Variants in TTLL2 observed in about 807,000 individuals in gnomAD.
TTLL2 encodes the protein tubulin tyrosine ligase like 2, also known as probable tubulin polyglutamylase TTLL2.
In TTLL2, 10 loss-of-function variants were observed where a neutral mutation model predicts 7.5. That is an observed-to-expected ratio of 1.33 (90% CI 0.82 to 2.25). The LOEUF (loss-of-function observed/expected upper bound fraction) is 2.25. Ranked by LOEUF, TTLL2 falls within the 30% of genes most tolerant of loss-of-function variation. The probability of loss-of-function intolerance (pLI) is 0.00; values close to 1 mark genes in which losing one functional copy is unlikely to be tolerated. For missense variants in TTLL2, 733 were observed against 735.7 expected, an observed-to-expected ratio of 1.00 and a Z score of 0.04; for synonymous variants, 284 against 280.3, an observed-to-expected ratio of 1.01 and a Z score of -0.13.
intron 1 of TTLL2, among the ~76,000 whole-genome samples, chr6:167,330,229 T>C (rs1366527118): frequency 2.0e-5 from 3 of 152,198 alleles, no homozygotes; most frequent in Non-Finnish European, 4.4e-5. Context: ...TCTGTATTAC[T>C]TGTACTCAGT....
intron 1 of TTLL2, among the ~76,000 whole-genome samples, chr6:167,338,226 CACACA>C (rs1357866890): frequency 6.6e-6 from 1 of 151,912 alleles, no homozygotes; most frequent in African/African-American, 2.4e-5. Flanking sequence ...ACACAACATA[CACACA>C]ACACAAGCAA....
Position 167,338,693 on chromosome 6 carries a change from G to C in TTLL2, c.94G>C (p.Glu32Gln), listed in dbSNP as rs766792551. 1.2e-5 allele frequency: 20 copies of C among 1,614,026 alleles called. No individual in the cohort carries two copies. The South Asian group carries it at 2.0e-4, about 16-fold the overall frequency. Reference sequence around the variant, plus strand: ...AGCCTTTACCCTTAACATTCCATCCGAGGCAAACCACACTGAGCAGCCGCC... The same window carrying C: ...AGCCTTTACCCTTAACATTCCATCCCAGGCAAACCACACTGAGCAGCCGCC... ...TPAFTLNIPS[E>Q]ANHTEQPPAG... Residue 32 changes from glutamate to glutamine, a missense_variant, in exon 2 of 3, where the codon GAG becomes CAG. Physicochemically the swap from Glu to Gln is conservative, Grantham distance 29. Transcript: ENST00000239587.
chr6:167,335,763 T>C (rs1228962110), intron 1 of TTLL2, among the ~76,000 whole-genome samples: 4 of 145,134 alleles, frequency 2.8e-5, no homozygotes, highest in African/African-American at 7.8e-5. Flanking sequence ...TAGGTGGGAA[T>C]TGAACATTGA....
At position 167,338,670 on chromosome 6, in the gene TTLL2, C is replaced by A; in HGVS notation, c.71C>A (p.Ala24Asp). 6.2e-7 allele frequency: 1 copy of A among 1,613,952 alleles called. No homozygotes were observed. Among genetic ancestry groups the A allele is most frequent in the Non-Finnish European group, 8.5e-7 (1 of 1,179,898 alleles). Residue 24 changes from alanine (A) to aspartate (D), a missense_variant, in exon 2 of 3, where the codon GCC (alanine) becomes GAC (aspartate). By Grantham distance (126) the Ala-to-Asp change is moderately radical. Transcript: ENST00000239587. Reference protein sequence around the residue: ...ALGSLRTTTPAFTLNIPSEAN... With the variant: ...ALGSLRTTTPDFTLNIPSEAN... ...AGATCTTTGAGAACCACCACCCCAG[C>A]CTTTACCCTTAACATTCCATCCGAG...
In TTLL2 at chr6:167,341,457, G is replaced by A; in HGVS notation, c.1557G>A (p.Lys519=). Residue 519 remains lysine, a synonymous_variant, in exon 3 of 3, where the codon AAG becomes AAA. Transcript: ENST00000239587. ...PKLRSRHTPH[K]TLMPYASLFQ... ...TACGGAGCAGGCACACGCCTCACAA[G>A]ACACTCATGCCCTACGCGTCCCTCT... The A allele has an allele frequency of 6.2e-7, 1 of 1,614,024 alleles. No individual in the cohort carries two copies. The highest frequency in any genetic ancestry group is 8.5e-7 in the Non-Finnish European group (1 of 1,180,014).
At chr6:167,338,897 CT>C (rs1370144597) in intron 2 of TTLL2, 94 bp downstream of exon 2, 4 of 1,253,636 alleles carry the variant, frequency 3.2e-6, no homozygotes, top group Non-Finnish European at 4.2e-6. Context: ...CCTCCCTCCC[CT>C]CTTCCTTCTT....
intron 1 of TTLL2, among the ~76,000 whole-genome samples, chr6:167,329,747 A>G (rs1353821013): frequency 1.3e-5 from 2 of 152,170 alleles, no homozygotes; most frequent in Admixed American, 6.5e-5. Context: ...CAGCCTCTGC[A>G]ATCAAGTGCC....
chr6:167,337,840 A>G (rs916547466), intron 1 of TTLL2, among the ~76,000 whole-genome samples: 1 of 151,472 alleles, frequency 6.6e-6, no homozygotes, highest in African/African-American at 2.4e-5. Context: ...ACACACAGAC[A>G]TGCAACGCAC....
chr6:167,338,812 G>C lies in TTLL2; in HGVS notation c.204+9G>C, dbSNP rs1779027570. 2 of 1,577,678 alleles carry C rather than the reference G, an allele frequency of 1.3e-6. No individual in the cohort carries two copies. Among genetic ancestry groups the C allele is most frequent in the East Asian group, 2.4e-5 (1 of 42,302 alleles). On this transcript the variant is annotated intron_variant, in intron 2 of 2. Coordinates refer to ENST00000239587, the MANE Select transcript of TTLL2 (RefSeq NM_031949.5). ...CAACACTGGAGAAGAAGGTGGGTGGGCAAGCCAGGTAGTTCCTTCCTTCCT... is the reference window on the plus strand; with the variant it reads ...CAACACTGGAGAAGAAGGTGGGTGGCCAAGCCAGGTAGTTCCTTCCTTCCT...
chr6:167,325,135 AC>A lies in TTLL2; in HGVS notation c.-38del. The A allele has an allele frequency of 6.4e-7, 1 of 1,560,428 alleles. No homozygotes were observed. The highest frequency in any genetic ancestry group is 1.2e-5 in the South Asian group (1 of 84,632). On this transcript the variant is annotated 5_prime_UTR_variant, in exon 1 of 3. Transcript: ENST00000239587. The stretch of plus-strand genomic sequence containing the variant: ...TTTCAGCTGGCGCTGCAGCTGCTGC[AC>A]AGAGACCCACAGAGGCCACCCTCGG...
chr6:167,329,368 A>T (rs1778891291), intron 1 of TTLL2, among the ~76,000 whole-genome samples: 1 of 152,104 alleles, frequency 6.6e-6, no homozygotes, highest in Non-Finnish European at 1.5e-5. Context: ...ACCCAAATAC[A>T]GTTTTTCGAC....
chr6:167,331,759 C>A (rs531241190), intron 1 of TTLL2, among the ~76,000 whole-genome samples: 50 of 152,184 alleles, frequency 3.3e-4, no homozygotes, highest in Non-Finnish European at 7.2e-4. Flanking sequence ...CGCAGCTGTA[C>A]TTCAACCACT....
chr6:167,340,380 C>T lies in TTLL2; in HGVS notation c.480C>T (p.Ala160=), dbSNP rs377370510. ...TTKLTRKDCL[A]KHLKHMRRMY... Reference sequence around the variant, plus strand: ...AGCTTACCAGGAAAGACTGTTTGGCCAAACACCTGAAGCACATGAGGAGGA... The same window carrying T: ...AGCTTACCAGGAAAGACTGTTTGGCTAAACACCTGAAGCACATGAGGAGGA... Residue 160 remains alanine (A), a synonymous_variant, in exon 3 of 3, where the codon GCC becomes GCT. Coordinates refer to ENST00000239587, the MANE Select transcript of TTLL2 (RefSeq NM_031949.5). 1.2e-6 allele frequency: 2 copies of T among 1,614,040 alleles called. No homozygotes were observed. The highest frequency in any genetic ancestry group is 1.3e-5 in the African/African-American group (1 of 74,878).
intron 1 of TTLL2, among the ~76,000 whole-genome samples, chr6:167,326,624 CT>C (rs1442936189): frequency 6.6e-6 from 1 of 152,196 alleles, no homozygotes; most frequent in Admixed American, 6.5e-5. Flanking sequence ...CTACACCAAG[CT>C]TGTCCAATCC....
intron 1 of TTLL2, among the ~76,000 whole-genome samples, chr6:167,330,783 A>G (rs973886771): frequency 6.6e-6 from 1 of 152,122 alleles, no homozygotes; most frequent in African/African-American, 2.4e-5. Flanking sequence ...CAGCCAATGG[A>G]CATTTCCCAA....
In TTLL2 at chr6:167,341,137, G is replaced by T; in HGVS notation, c.1237G>T (p.Asp413Tyr). 6.2e-7 allele frequency: 1 copy of T among 1,613,814 alleles called. No homozygotes were observed. Among genetic ancestry groups the T allele is most frequent in the South Asian group, 1.1e-5 (1 of 91,032 alleles). Reference protein sequence around the residue: ...VKRKLVHDIIDLIYLNGLRNE... With the variant: ...VKRKLVHDIIYLIYLNGLRNE... ...GAGAAAACTTGTCCATGATATTATT[G>T]ACCTGATTTACTTAAATGGTCTAAG... The change falls in exon 3 of 3, where the codon GAC becomes TAC. Residue 413 changes from aspartate (D) to tyrosine (Y), a missense_variant. Transcript: ENST00000239587.
chr6:167,329,477 TG>T (rs1255968860), intron 1 of TTLL2, among the ~76,000 whole-genome samples: 1 of 152,182 alleles, frequency 6.6e-6, no homozygotes, highest in Admixed American at 6.5e-5. Flanking sequence ...GGGTTAAGAC[TG>T]GGTTGGTTAA....
In TTLL2 at chr6:167,331,511, T is replaced by C. The variant is rs146417345; in HGVS notation, c.47+6291T>C. Among the ~76,000 whole-genome samples the C allele has an allele frequency of 1.6e-4, 25 of 152,326 alleles. No individual in the cohort carries two copies. In the East Asian group the frequency reaches 4.6e-3, roughly 28 times the overall value. On this transcript the variant is annotated intron_variant, in intron 1 of 2. Coordinates refer to ENST00000239587, the MANE Select transcript of TTLL2 (RefSeq NM_031949.5). ...CACCTATGAGTAAGAACATGCGGTG[T>C]TTAACTTTCTGTTCTTGGCTTATTT...
chr6:167,335,597 T>A (rs866598233), intron 1 of TTLL2, among the ~76,000 whole-genome samples: 5,162 of 149,544 alleles, frequency 0.035, 313 homozygotes, highest in African/African-American at 0.12. Context: ...ATAGACTGGA[T>A]TAAGAAAATG....
Sources: allele counts gnomAD v4.1 joint callset (sites outside exome capture counted in the v4.1 genomes callset), GRCh38; gene constraint gnomAD v4.1.1; transcripts MANE v1.5; gene names NCBI Gene and HGNC (gene_info 2026-07-23, HGNC 2026-07-21).